Variants in SF3A2 observed in about 807,000 individuals in gnomAD.
The protein encoded by SF3A2 is SAP 62.
A neutral mutation model predicts 31.1 loss-of-function variants in SF3A2; 5 were observed. The ratio of observed to expected loss-of-function variants is 0.16; its 90% CI spans 0.08 to 0.34. The LOEUF is 0.34. Ranked by LOEUF, SF3A2 falls within the 10% of genes least tolerant of loss-of-function variation. SF3A2 has a pLI of 1.00. For missense variants in SF3A2, 577 were observed against 643.9 expected (o/e 0.90, Z 1.13); for synonymous variants, 365 against 263.7 (o/e 1.38, Z -3.72).
chr19:2,237,469 G>A (rs1180786961), intron 1 of SF3A2: 1 of 149,704 alleles, frequency 6.7e-6, no homozygotes, highest in Non-Finnish European at 1.5e-5. Flanking sequence ...TGTAGTCCCA[G>A]CTACTCTGGA....
At chr19:2,244,689 TGTCCGCCCG>T in intron 3 of SF3A2, 35 bp from the exon 4 acceptor site, 1 of 1,613,060 alleles carries the variant, frequency 6.2e-7, no homozygotes, top group South Asian at 1.1e-5. Flanking sequence ...TGCCTGTGTC[TGTCCGCCCG>T]GCCTCGAGTC....
intron 1 of SF3A2, among the ~76,000 whole-genome samples, chr19:2,239,371 AAAAAG>A (rs1243325338): frequency 4.0e-5 from 6 of 150,920 alleles, no homozygotes; most frequent in African/African-American, 9.9e-5. Flanking sequence ...AAAAAAAAAA[AAAAAG>A]AGAGAGAAAA....
At position 2,243,511 on chromosome 19, in the gene SF3A2, G is replaced by A. The variant is rs114302579; in HGVS notation, c.93G>A (p.Arg31=). 2.0e-4 allele frequency: 313 copies of A among 1,553,430 alleles called. 1 individual carries two copies. The African/African-American group carries it at 3.9e-3, about 20-fold the overall frequency. ...ACCGTGACCGCAGGGAGCGCCTCCGGCAGCTGGCCCTGGAGACCATCGACA... is the reference window on the plus strand; with the variant it reads ...ACCGTGACCGCAGGGAGCGCCTCCGACAGCTGGCCCTGGAGACCATCGACA... ...ESNRDRRERL[R]QLALETIDIN... is the part of the protein sequence containing the mutation. Residue 31 remains arginine, a synonymous_variant, in exon 2 of 9, where the codon CGG becomes CGA. Transcript: ENST00000221494.
At chr19:2,244,000 A>G (rs1456482664) in intron 2 of SF3A2, among the ~76,000 whole-genome samples, 3 of 152,138 alleles carry the variant, frequency 2.0e-5, no homozygotes, top group Non-Finnish European at 4.4e-5. Flanking sequence ...CGTCTTCCAG[A>G]TGAGGTCATG....
rs539335935 is a variant in SF3A2 at position 2,248,154 on chromosome 19, G to A, written c.1003G>A (p.Gly335Arg). 12 of 1,457,292 alleles carry A rather than the reference G, an allele frequency of 8.2e-6. No individual in the cohort carries two copies. In the Admixed American group the frequency reaches 1.4e-4, roughly 17 times the overall value. 90.3% of individuals were successfully genotyped at this position (1,457,292 alleles called of 1,614,324 possible). A position where few individuals can be genotyped will look rare whatever the true frequency, so the allele number is the denominator to read the frequency against. Reference protein sequence around the residue: ...PTSGVHPPAPGVHPPAPGVHP... With the variant: ...PTSGVHPPAPRVHPPAPGVHP... ...CTCTGGGGTCCACCCCCCAGCTCCT[G>A]GAGTCCACCCTCCAGCCCCCGGGGT... The change falls in exon 9 of 9, where the codon GGA becomes AGA. Residue 335 changes from glycine to arginine, a missense_variant. Around this residue, in one of 6 missense-constraint regions of SF3A2, gnomAD observed 462 missense variants for 339.1 expected, o/e 1.36. Transcript: ENST00000221494.
chr19:2,248,478 C>T lies in SF3A2; in HGVS notation c.1327C>T (p.Pro443Ser). ...GGTGCACCCCCCAACTCCCATGCCC[C>T]CAATGCTGAGGCCCCCACTTCCCTC... ...PGVHPPTPMPPMLRPPLPSEG... is the reference protein window; with the variant it reads ...PGVHPPTPMPSMLRPPLPSEG... Residue 443 changes from proline (P) to serine (S), a missense_variant, in exon 9 of 9, where the codon CCA becomes TCA. Pro to Ser is a moderately conservative substitution (Grantham distance 74, BLOSUM62 -1). Around this residue, in one of 6 missense-constraint regions of SF3A2, gnomAD observed 462 missense variants for 339.1 expected, o/e 1.36. Transcript: ENST00000221494. 1 of 1,206,530 alleles carries T rather than the reference C, an allele frequency of 8.3e-7. No homozygotes were observed. Among genetic ancestry groups the T allele is most frequent in the Non-Finnish European group, 1.1e-6 (1 of 928,144 alleles). The allele number at this position is 1,206,530 out of a possible 1,614,324, so 74.7% of individuals were successfully genotyped here. A position where few individuals can be genotyped will look rare whatever the true frequency, so the allele number is the denominator to read the frequency against.
At chr19:2,247,190 G>A (rs1568390240) in intron 7 of SF3A2, 168 bp downstream of exon 7, 7 of 590,096 alleles carry the variant, frequency 1.2e-5, no homozygotes, top group Admixed American at 6.7e-5. Flanking sequence ...CTCCCATTGG[G>A]CTCTGCAGGA....
intron 4 of SF3A2, 197 bp downstream of exon 4, chr19:2,244,976 G>C: frequency 1.7e-6 from 1 of 596,922 alleles, no homozygotes; most frequent in African/African-American, 1.9e-5. Flanking sequence ...CTTGAGGTCA[G>C]GAGTTCGAGA....
intron 7 of SF3A2, chr19:2,247,280 G>A: frequency 1.8e-6 from 1 of 545,438 alleles, no homozygotes; most frequent in Non-Finnish European, 3.2e-6. Context: ...CCTTTGCCAA[G>A]TGACCTCACT....
Position 2,247,254 on chromosome 19 carries a change from C to T in SF3A2, c.546+232C>T, listed in dbSNP as rs982214989. The T allele has an allele frequency of 1.9e-5, 10 of 533,422 alleles. No individual in the cohort carries two copies. The Admixed American group carries it at 2.1e-4, about 11-fold the overall frequency. 33.0% of individuals were successfully genotyped at this position (533,422 alleles called of 1,614,324 possible). A position where few individuals can be genotyped will look rare whatever the true frequency, so the allele number is the denominator to read the frequency against. ...GAGAAGGGAGGCCGGCAGGGCTGAG[C>T]GCCAGGCCTGTGAGGCCTTTGCCAA... On this transcript the variant is annotated intron_variant, in intron 7 of 8. Transcript: ENST00000221494.
At chr19:2,239,223 G>A (rs148953618) in intron 1 of SF3A2, among the ~76,000 whole-genome samples, 6 of 152,268 alleles carry the variant, frequency 3.9e-5, no homozygotes, top group East Asian at 1.9e-4. Flanking sequence ...AAATTTGCCA[G>A]GCGTTTTGGC....
At chr19:2,247,388 G>T (rs2024948119) in intron 7 of SF3A2, among the ~76,000 whole-genome samples, 1 of 152,182 alleles carries the variant, frequency 6.6e-6, no homozygotes, top group African/African-American at 2.4e-5. Flanking sequence ...GACTGCCCAG[G>T]GAGGGGGCCA....
At chr19:2,244,326 TG>T (rs952189544) in intron 2 of SF3A2, among the ~76,000 whole-genome samples, 4 of 152,166 alleles carry the variant, frequency 2.6e-5, no homozygotes, top group African/African-American at 9.7e-5. Flanking sequence ...GCTCGAAGCC[TG>T]GCCCACAGCC....
chr19:2,241,690 CGAGGCGGG>C (rs2024890760), intron 1 of SF3A2, among the ~76,000 whole-genome samples: 1 of 152,144 alleles, frequency 6.6e-6, no homozygotes, highest in Non-Finnish European at 1.5e-5. Context: ...CCAAGAAGCC[CGAGGCGGG>C]GAGGGTTCCT....
chr19:2,248,101 C>G lies in SF3A2; in HGVS notation c.950C>G (p.Pro317Arg). 3 of 1,083,948 alleles carry G rather than the reference C, an allele frequency of 2.8e-6. No homozygotes were observed. Among genetic ancestry groups the G allele is most frequent in the Non-Finnish European group, 4.1e-6 (3 of 731,384 alleles). The allele number at this position is 1,083,948 out of a possible 1,614,324, so 67.1% of individuals were successfully genotyped here. A position where few individuals can be genotyped will look rare whatever the true frequency, so the allele number is the denominator to read the frequency against. Residue 317 changes from proline to arginine, a missense_variant, in exon 9 of 9, where the codon CCC becomes CGC. By Grantham distance (103) the Pro-to-Arg change is moderately radical. Transcript: ENST00000221494. ...CACCCCCCAGCTCCTGGCGTCCATCCCCCAGCCCCTGGGGTCCACCCACCA... is the reference window on the plus strand; with the variant it reads ...CACCCCCCAGCTCCTGGCGTCCATCGCCCAGCCCCTGGGGTCCACCCACCA... ...GVHPPAPGVH[P>R]PAPGVHPPTS...
intron 7 of SF3A2, 80 bp downstream of exon 7, chr19:2,247,102 C>A: frequency 6.5e-7 from 1 of 1,542,224 alleles, no homozygotes; most frequent in Non-Finnish European, 8.6e-7. Flanking sequence ...CAGGATGCCC[C>A]TCCCATCGGG....
At chr19:2,237,339 C>G (rs1187570665) in intron 1 of SF3A2, 1 of 147,802 alleles carries the variant, frequency 6.8e-6, no homozygotes, top group Non-Finnish European at 1.5e-5. Flanking sequence ...CTCGGAATGT[C>G]GAGGCTGCAG....
At position 2,245,361 on chromosome 19, in the gene SF3A2, G is replaced by A; in HGVS notation, c.246-85G>A. The A allele has an allele frequency of 9.9e-7, 1 of 1,012,438 alleles. No individual in the cohort carries two copies. The highest frequency in any genetic ancestry group is 1.5e-6 in the Non-Finnish European group (1 of 669,956). 62.7% of individuals were successfully genotyped at this position (1,012,438 alleles called of 1,614,324 possible). A position where few individuals can be genotyped will look rare whatever the true frequency, so the allele number is the denominator to read the frequency against. ...TCTCTCAGCTTGTAGTGAGCTCCAAGGTCAGGGGGCTCCTGGCACCTGGGC... is the reference window on the plus strand; with the variant it reads ...TCTCTCAGCTTGTAGTGAGCTCCAAAGTCAGGGGGCTCCTGGCACCTGGGC... On this transcript the variant is annotated intron_variant, in intron 4 of 8. Transcript: ENST00000221494. The surrounding 1 kb of genome is among the most constrained non-coding windows in gnomAD (Gnocchi z 4.2).
In SF3A2 at chr19:2,247,839, G is replaced by A; in HGVS notation, c.688G>A (p.Val230Met). 1 of 1,589,024 alleles carries A rather than the reference G, an allele frequency of 6.3e-7. No homozygotes were observed. Among genetic ancestry groups the A allele is most frequent in the Non-Finnish European group, 8.6e-7 (1 of 1,163,278 alleles). Residue 230 changes from valine (V) to methionine (M), a missense_variant, in exon 9 of 9, where the codon GTG becomes ATG. Physicochemically the swap from Val to Met is conservative, Grantham distance 21. Coordinates refer to ENST00000221494, the MANE Select transcript of SF3A2 (RefSeq NM_007165.5). The part of the protein sequence containing the change: ...PPSLPAGPPG[V>M]KRPPPPLMNG... Reference sequence around the variant, plus strand: ...CAGCCTCCCTGCTGGCCCCCCTGGGGTGAAGCGGCCTCCACCCCCGCTGAT... The same window carrying A: ...CAGCCTCCCTGCTGGCCCCCCTGGGATGAAGCGGCCTCCACCCCCGCTGAT...
Sources: gnomAD v4.1 joint callset for allele counts (sites outside exome capture counted in the v4.1 genomes callset) on GRCh38, gnomAD v4.1.1 for gene constraint, gnomAD v4.1.1 regional missense constraint, Gnocchi (gnomAD v3.1) non-coding constraint, MANE v1.5 for transcripts, NCBI Gene and HGNC (gene_info 2026-07-23, HGNC 2026-07-21) for gene names.